SLC41A2: variants seen among roughly 807,000 people sequenced by gnomAD.
SLC41A2 encodes the protein SLC41A1-like 1.
A neutral mutation model predicts 58.3 loss-of-function variants in SLC41A2; 32 were observed. That is an observed-to-expected ratio of 0.55 (90% CI 0.41 to 0.74). SLC41A2 has a LOEUF of 0.74. Among genes scored for constraint, SLC41A2 ranks in the 30% least tolerant of loss-of-function variants. The pLI, the probability that SLC41A2 is intolerant of heterozygous loss-of-function variation, is 0.00. For missense variants in SLC41A2, 514 were observed against 680.6 expected, an observed-to-expected ratio of 0.76 and a Z score of 2.72; for synonymous variants, 190 against 235.0, an observed-to-expected ratio of 0.81 and a Z score of 1.75.
chr12:104,829,645 T>C (rs542247623), intron 10 of SLC41A2, among the ~76,000 whole-genome samples: 6 of 151,950 alleles, frequency 3.9e-5, no homozygotes, highest in Admixed American at 1.3e-4. Flanking sequence ...GTCGATCTTT[T>C]TAATTGTCTT....
intron 1 of SLC41A2, among the ~76,000 whole-genome samples, chr12:104,956,263 C>T (rs2048163665): frequency 1.3e-5 from 2 of 152,002 alleles, no homozygotes; most frequent in East Asian, 3.9e-4. Flanking sequence ...CAACCTTTAC[C>T]CAAGAATAAG....
Position 104,928,600 on chromosome 12 carries a change from C to CACAA in SLC41A2, c.-77_-74dup. On this transcript the variant is annotated 5_prime_UTR_variant, in exon 2 of 11. Coordinates refer to ENST00000258538, the MANE Select transcript of SLC41A2 (RefSeq NM_001352171.3). Reference sequence around the variant, plus strand: ...AACCACAGCAGATGAATCAGAACCGCACAAACACTGGTTTAAATTAAGTTG... The same window carrying CACAA: ...AACCACAGCAGATGAATCAGAACCGCACAAACAAACACTGGTTTAAATTAAGTTG... 3 of 865,770 alleles carry CACAA rather than the reference C, an allele frequency of 3.5e-6. No homozygotes were observed. Among genetic ancestry groups the CACAA allele is most frequent in the Non-Finnish European group, 4.9e-6 (3 of 616,158 alleles). The allele number at this position is 865,770 out of a possible 1,614,324, so 53.6% of individuals were successfully genotyped here.
intron 4 of SLC41A2, among the ~76,000 whole-genome samples, chr12:104,893,401 T>C (rs1413931922): frequency 4.6e-5 from 7 of 152,214 alleles, no homozygotes; most frequent in African/African-American, 1.7e-4. Flanking sequence ...CGTACACTGT[T>C]GGTGGGAATG....
chr12:104,857,304 G>A (rs1044188002), intron 8 of SLC41A2, among the ~76,000 whole-genome samples: 2 of 152,176 alleles, frequency 1.3e-5, no homozygotes, highest in Non-Finnish European at 2.9e-5. Context: ...GCTAACAGAA[G>A]TACCAGAAAG....
intron 10 of SLC41A2, among the ~76,000 whole-genome samples, chr12:104,841,104 C>G (rs1386406094): frequency 6.6e-6 from 1 of 152,124 alleles, no homozygotes; most frequent in Non-Finnish European, 1.5e-5. Flanking sequence ...TCAGTTTCAT[C>G]TATTATCAAC....
chr12:104,857,751 A>G (rs1468852914), intron 8 of SLC41A2, among the ~76,000 whole-genome samples: 1 of 151,012 alleles, frequency 6.6e-6, no homozygotes, highest in Non-Finnish European at 1.5e-5. Flanking sequence ...AAACTATCGC[A>G]AGGACAGAAA....
At chr12:104,876,338 G>C (rs2044039832) in intron 6 of SLC41A2, among the ~76,000 whole-genome samples, 1 of 152,000 alleles carries the variant, frequency 6.6e-6, no homozygotes, top group Non-Finnish European at 1.5e-5. Context: ...TCCTTGAGGT[G>C]TAACATTAGC....
intron 10 of SLC41A2, among the ~76,000 whole-genome samples, chr12:104,823,203 A>G (rs560241677): frequency 2.0e-4 from 31 of 152,288 alleles, no homozygotes; most frequent in Non-Finnish European, 3.5e-4. Flanking sequence ...TGTTGAGAGT[A>G]GAGAATAAAA....
intron 1 of SLC41A2, among the ~76,000 whole-genome samples, chr12:104,935,059 G>A (rs2047207296): frequency 6.6e-6 from 1 of 152,158 alleles, no homozygotes. Flanking sequence ...CCAGGTTCAA[G>A]CAATTCTCCT....
chr12:104,853,911 A>ATTTT lies in SLC41A2; in HGVS notation c.1255+7376_1255+7379dup, dbSNP rs1555202443. On this transcript the variant is annotated intron_variant, in intron 8 of 10. Coordinates refer to ENST00000258538, the MANE Select transcript of SLC41A2 (RefSeq NM_001352171.3). ...GGGTGCATGTCACCATGCCTGGCTG[A>ATTTT]TTTTTTTTTTTTTTTTTTTTTTTTT... Among the ~76,000 whole-genome samples, 17 of 59,496 alleles carry ATTTT rather than the reference A, an allele frequency of 2.9e-4. 1 individual carries two copies. The highest frequency in any genetic ancestry group is 1.2e-3 in the African/African-American group (17 of 14,474). 39.0% of individuals were successfully genotyped at this position (59,496 alleles called of 152,430 possible). A position where few individuals can be genotyped will look rare whatever the true frequency, so the allele number is the denominator to read the frequency against.
rs1003912481 is a variant in SLC41A2 at position 104,803,015 on chromosome 12, A to C, written c.*2137T>G. 10 of 152,146 alleles carry C rather than the reference A, an allele frequency of 6.6e-5. No homozygotes were observed. The highest frequency in any genetic ancestry group is 2.4e-4 in the African/African-American group (10 of 41,438). The allele number at this position is 152,146 out of a possible 1,614,324, so 9.4% of individuals were successfully genotyped here. A position where few individuals can be genotyped will look rare whatever the true frequency, so the allele number is the denominator to read the frequency against. ...CCTCTGCTGTAAAATAGAGATAGGA[A>C]TATCCATCTGATATATTTCACAGGT... On this transcript the variant is annotated 3_prime_UTR_variant, in exon 11 of 11. Coordinates refer to ENST00000258538, the MANE Select transcript of SLC41A2 (RefSeq NM_001352171.3).
chr12:104,945,087 T>A (rs1309385494), intron 1 of SLC41A2, among the ~76,000 whole-genome samples: 1 of 148,468 alleles, frequency 6.7e-6, no homozygotes, highest in Non-Finnish European at 1.5e-5. Flanking sequence ...AGGAGAATCG[T>A]TTGAACCCAG....
In SLC41A2 at chr12:104,887,963, T is replaced by G. The variant is rs375382037; in HGVS notation, c.880+1070A>C. 2.6e-5 allele frequency among the ~76,000 whole-genome samples: 4 copies of G among 152,158 alleles called. No individual in the cohort carries two copies. In the South Asian group the frequency reaches 8.3e-4, roughly 32 times the overall value. The stretch of plus-strand genomic sequence containing the variant: ...AAATACTTTTTAAAATTCTGAATTT[T>G]GGATAGTTTTGAAAAGCTTTCAAAT... On this transcript the variant is annotated intron_variant, in intron 5 of 10. Coordinates refer to ENST00000258538, the MANE Select transcript of SLC41A2 (RefSeq NM_001352171.3).
chr12:104,916,063 G>C (rs765489474), intron 2 of SLC41A2, among the ~76,000 whole-genome samples: 10 of 152,050 alleles, frequency 6.6e-5, no homozygotes, highest in Admixed American at 5.2e-4. Context: ...TTTATATGCT[G>C]GATTACATTT....
chr12:104,879,322 C>T (rs886610888), intron 6 of SLC41A2, among the ~76,000 whole-genome samples: 3 of 152,152 alleles, frequency 2.0e-5, no homozygotes, highest in Admixed American at 6.5e-5. Flanking sequence ...AATTAGATCC[C>T]ATTTGTCTAT....
intron 1 of SLC41A2, among the ~76,000 whole-genome samples, chr12:104,952,913 C>T (rs2048009254): frequency 1.3e-5 from 2 of 151,630 alleles, no homozygotes; most frequent in Admixed American, 1.3e-4. Context: ...AGCTCTTTAA[C>T]ATCCATGTCC....
chr12:104,814,070 G>T (rs2041290295), intron 10 of SLC41A2, among the ~76,000 whole-genome samples: 1 of 152,114 alleles, frequency 6.6e-6, no homozygotes, highest in African/African-American at 2.4e-5. Flanking sequence ...ATATGTTTCA[G>T]AATAAACATA....
chr12:104,878,166 A>G (rs1032036393), intron 6 of SLC41A2, among the ~76,000 whole-genome samples: 7 of 151,810 alleles, frequency 4.6e-5, no homozygotes, highest in African/African-American at 1.5e-4. Context: ...CTTCAACGGC[A>G]TTCTCTTTCT....
At chr12:104,807,914 T>C (rs2040986672) in intron 10 of SLC41A2, among the ~76,000 whole-genome samples, 1 of 152,230 alleles carries the variant, frequency 6.6e-6, no homozygotes, top group Non-Finnish European at 1.5e-5. Flanking sequence ...CACATTGATT[T>C]TGTATCCTGA....
Sources: gnomAD v4.1 joint callset for allele counts (sites outside exome capture counted in the v4.1 genomes callset) on GRCh38, gnomAD v4.1.1 for gene constraint, MANE v1.5 for transcripts, NCBI Gene and HGNC (gene_info 2026-07-23, HGNC 2026-07-21) for gene names.